Variants in C10orf90 observed in about 807,000 individuals in gnomAD.
The protein encoded by C10orf90 is (E2-independent) E3 ubiquitin-conjugating enzyme FATS.
A neutral mutation model predicts 62.5 loss-of-function variants in C10orf90; 56 were observed. That is an observed-to-expected ratio of 0.90 (90% CI 0.72 to 1.12). The LOEUF (loss-of-function observed/expected upper bound fraction) is 1.12. Ranked by LOEUF, C10orf90 falls within the 50% of genes most tolerant of loss-of-function variation. The pLI is 0.00. For synonymous variants in C10orf90, 386 were observed against 340.4 expected (o/e 1.13, Z -1.47); for missense variants, 970 against 880.4 (o/e 1.10, Z -1.29).
At chr10:126,549,452 C>A (rs1292561851) in intron 2 of C10orf90, among the ~76,000 whole-genome samples, 1 of 152,112 alleles carries the variant, frequency 6.6e-6, no homozygotes, top group Non-Finnish European at 1.5e-5. Flanking sequence ...CAAATTAATA[C>A]CACAATGAGA....
At chr10:126,479,155 A>C (rs1007731399) in intron 4 of C10orf90, among the ~76,000 whole-genome samples, 1 of 152,206 alleles carries the variant, frequency 6.6e-6, no homozygotes, top group Non-Finnish European at 1.5e-5. Flanking sequence ...GCAGTGAATA[A>C]GAATGTCTGG....
chr10:126,432,999 AC>A (rs1857680206), intron 7 of C10orf90, among the ~76,000 whole-genome samples: 1 of 152,194 alleles, frequency 6.6e-6, no homozygotes, highest in Non-Finnish European at 1.5e-5. Flanking sequence ...GCTCTTCAGA[AC>A]ATGAACTGGG....
chr10:126,544,517 T>C (rs1374110515), intron 2 of C10orf90, among the ~76,000 whole-genome samples: 1 of 151,326 alleles, frequency 6.6e-6, no homozygotes, highest in African/African-American at 2.4e-5. Context: ...TAAGACACAT[T>C]CCCAAGCAAG....
chr10:126,492,157 G>C (rs965161610), intron 4 of C10orf90, among the ~76,000 whole-genome samples: 3 of 152,198 alleles, frequency 2.0e-5, no homozygotes, highest in Admixed American at 1.3e-4. Flanking sequence ...TAATTGCTTA[G>C]TTTATAAGTC....
chr10:126,657,537 A>G (rs550025289), intron 1 of C10orf90, among the ~76,000 whole-genome samples: 4 of 151,974 alleles, frequency 2.6e-5, no homozygotes, highest in Middle Eastern at 3.4e-3. Flanking sequence ...ATGAAGTCCA[A>G]TTGATCAATT....
At chr10:126,565,414 T>TTATATA (rs1457391503) in intron 2 of C10orf90, among the ~76,000 whole-genome samples, 4 of 13,732 alleles carry the variant, frequency 2.9e-4, no homozygotes, top group East Asian at 2.3e-3. Context: ...ATATAATATA[T>TTATATA]ATTATATATA....
chr10:126,547,406 A>T (rs1864524313), intron 2 of C10orf90, among the ~76,000 whole-genome samples: 1 of 145,696 alleles, frequency 6.9e-6, no homozygotes, highest in Non-Finnish European at 1.5e-5. Context: ...GCGACAGAGC[A>T]AGACTGTCAA....
At chr10:126,570,766 G>T (rs549732033) in intron 2 of C10orf90, among the ~76,000 whole-genome samples, 24 of 152,182 alleles carry the variant, frequency 1.6e-4, no homozygotes, top group African/African-American at 5.8e-4. Flanking sequence ...ATTCTTTGGG[G>T]AGGTTCCTAA....
At chr10:126,506,169 A>G (rs1041814139) in intron 3 of C10orf90, among the ~76,000 whole-genome samples, 6 of 152,230 alleles carry the variant, frequency 3.9e-5, no homozygotes, top group African/African-American at 1.4e-4. Context: ...CATTTTTCCT[A>G]ATCAGCAGAT....
At chr10:126,541,623 A>T (rs951136909) in intron 2 of C10orf90, among the ~76,000 whole-genome samples, 5 of 152,212 alleles carry the variant, frequency 3.3e-5, no homozygotes, top group African/African-American at 4.8e-5. Context: ...TCATTAGAGA[A>T]TGCAAATCAA....
chr10:126,451,856 T>C (rs1165192730), intron 7 of C10orf90, among the ~76,000 whole-genome samples: 1 of 152,130 alleles, frequency 6.6e-6, no homozygotes, highest in African/African-American at 2.4e-5. Context: ...ATGATCTTAC[T>C]TATATGTGAA....
chr10:126,546,188 A>G (rs1864486939), intron 2 of C10orf90, among the ~76,000 whole-genome samples: 1 of 152,218 alleles, frequency 6.6e-6, no homozygotes, highest in Non-Finnish European at 1.5e-5. Flanking sequence ...CTTTCAGACA[A>G]TAACCACTCT....
At position 126,565,417 on chromosome 10, in the gene C10orf90, T is replaced by A. The variant is rs11245047; in HGVS notation, c.314-51478A>T. Among the ~76,000 whole-genome samples, 125 of 15,368 alleles carry A rather than the reference T, an allele frequency of 8.1e-3. 1 individual carries two copies. The highest frequency in any genetic ancestry group is 0.014 in the Non-Finnish European group (83 of 5,890). 10.1% of individuals were successfully genotyped at this position (15,368 alleles called of 152,430 possible). A position where few individuals can be genotyped will look rare whatever the true frequency, so the allele number is the denominator to read the frequency against. On this transcript the variant is annotated intron_variant, in intron 2 of 9. Transcript: ENST00000488181. Reference sequence around the variant, plus strand: ...ATATTATATTATATATAATATATATTATATATATTATATATATTATACACA... The same window carrying A: ...ATATTATATTATATATAATATATATAATATATATTATATATATTATACACA...
At chr10:126,549,494 T>A (rs901966676) in intron 2 of C10orf90, among the ~76,000 whole-genome samples, 1 of 152,150 alleles carries the variant, frequency 6.6e-6, no homozygotes, top group Non-Finnish European at 1.5e-5. Flanking sequence ...ATGGCTAGGA[T>A]TAAAAAATAG....
intron 4 of C10orf90, among the ~76,000 whole-genome samples, chr10:126,502,036 ACCACACAC>A (rs372307231): frequency 2.1e-3 from 293 of 141,948 alleles, no homozygotes; most frequent in African/African-American, 7.5e-3. Context: ...ACACCACACA[ACCACACAC>A]CCACACCACA....
intron 3 of C10orf90, among the ~76,000 whole-genome samples, chr10:126,512,561 C>A (rs2133915704): frequency 6.6e-6 from 1 of 152,128 alleles, no homozygotes; most frequent in African/African-American, 2.4e-5. Context: ...TGACAAATAT[C>A]CTCAGTTGAT....
At chr10:126,617,425 T>C (rs1180532830) in intron 2 of C10orf90, among the ~76,000 whole-genome samples, 1 of 152,244 alleles carries the variant, frequency 6.6e-6, no homozygotes, top group Non-Finnish European at 1.5e-5. Flanking sequence ...TCAGGGATAC[T>C]GTGCCTTCCC....
At chr10:126,485,348 T>C (rs1296553274) in intron 4 of C10orf90, among the ~76,000 whole-genome samples, 2 of 152,196 alleles carry the variant, frequency 1.3e-5, no homozygotes, top group Non-Finnish European at 2.9e-5. Flanking sequence ...GGCACTGTGT[T>C]ATAGCAGCAT....
chr10:126,558,388 C>T (rs1047054769), intron 2 of C10orf90, among the ~76,000 whole-genome samples: 4 of 152,174 alleles, frequency 2.6e-5, no homozygotes, highest in Admixed American at 2.6e-4. Flanking sequence ...ACAAGACTCT[C>T]CTTGTGATCT....
Sources: gnomAD v4.1 joint callset for allele counts (sites outside exome capture counted in the v4.1 genomes callset) on GRCh38, gnomAD v4.1.1 for gene constraint, MANE v1.5 for transcripts, NCBI Gene and HGNC (gene_info 2026-07-23, HGNC 2026-07-21) for gene names.